SPEN: variants seen among roughly 807,000 people sequenced by gnomAD.
SPEN encodes msx2-interacting protein.
SPEN carries 18 observed loss-of-function variants against 269.9 expected under a neutral mutation model. The ratio of observed to expected loss-of-function variants is 0.07; its 90% confidence interval spans 0.05 to 0.10. The LOEUF is 0.10. Ranked by LOEUF, SPEN falls within the 10% of genes least tolerant of loss-of-function variation. SPEN has a pLI of 1.00. For missense variants in SPEN, 3,822 were observed against 4,631.2 expected (o/e 0.83, Z 5.07); for synonymous variants, 1,726 against 1,765.7 (o/e 0.98, Z 0.56).
At chr1:15,864,953 G>A (rs937102571) in intron 1 of SPEN, among the ~76,000 whole-genome samples, 12 of 152,014 alleles carry the variant, frequency 7.9e-5, no homozygotes, top group Non-Finnish European at 1.8e-4. Flanking sequence ...CTCGCGCCTT[G>A]GCTTCCCAAA....
Position 15,928,256 on chromosome 1 carries a change from A to G in SPEN, c.2016A>G (p.Arg672=), listed in dbSNP as rs1302485399. Residue 672 remains arginine (R), a synonymous_variant, in exon 11 of 15, where the codon CGA becomes CGG. Transcript: ENST00000375759. The surrounding 1 kb of genome is among the most constrained non-coding windows in gnomAD (Gnocchi z 5.7). ...ACCAAGGAGACTACTATGAATCACG[A>G]TACTACGATGATCCTCGGGAATACA... ...ETYQGDYYES[R]YYDDPREYRD... 6.2e-7 allele frequency: 1 copy of G among 1,614,062 alleles called. No individual in the cohort carries two copies. Among genetic ancestry groups the G allele is most frequent in the African/African-American group, 1.3e-5 (1 of 74,922 alleles).
chr1:15,936,659 G>C (rs1272350441), intron 11 of SPEN, among the ~76,000 whole-genome samples: 1 of 109,920 alleles, frequency 9.1e-6, no homozygotes, highest in Non-Finnish European at 2.0e-5. Flanking sequence ...AAAAAAAGCC[G>C]GGCATAGTGG....
chr1:15,937,436 C>G lies in SPEN; in HGVS notation c.10300C>G (p.Pro3434Ala), dbSNP rs1553180358. ...AETGPTSFPS[P>A]VSVSMKPDLP... ...AACAGGCCCGACTTCCTTCCCCTCCCCTGTGTCTGTCTCCATGAAGCCTGA... is the reference window on the plus strand; with the variant it reads ...AACAGGCCCGACTTCCTTCCCCTCCGCTGTGTCTGTCTCCATGAAGCCTGA... The change falls in exon 12 of 15, where the codon CCT (proline) becomes GCT (alanine). Residue 3434 changes from proline (P) to alanine (A), a missense_variant. By Grantham distance (27) the Pro-to-Ala change is conservative (BLOSUM62 -1). Transcript: ENST00000375759. The surrounding 1 kb of genome is among the most constrained non-coding windows in gnomAD (Gnocchi z 5.7). 4 of 1,613,832 alleles carry G rather than the reference C, an allele frequency of 2.5e-6. No homozygotes were observed. The highest frequency in any genetic ancestry group is 8.5e-7 in the Non-Finnish European group (1 of 1,180,028).
intron 1 of SPEN, among the ~76,000 whole-genome samples, chr1:15,865,428 T>TG (rs995677673): frequency 3.3e-5 from 5 of 150,230 alleles, no homozygotes; most frequent in Admixed American, 6.6e-5. Flanking sequence ...CTGTTTTTTT[T>TG]TTTTTTTTTT....
At chr1:15,879,631 C>G (rs894738546) in intron 3 of SPEN, among the ~76,000 whole-genome samples, 6 of 151,888 alleles carry the variant, frequency 4.0e-5, no homozygotes, top group African/African-American at 1.2e-4. Flanking sequence ...ATACCAAAGG[C>G]TACAACCTAG....
In SPEN at chr1:15,932,165, C is replaced by T. The variant is rs751872803; in HGVS notation, c.5925C>T (p.Leu1975=). 8 of 1,612,498 alleles carry T rather than the reference C, an allele frequency of 5.0e-6. No homozygotes were observed. The highest frequency in any genetic ancestry group is 6.8e-6 in the Non-Finnish European group (8 of 1,179,384). The change falls in exon 11 of 15, where the codon CTC becomes CTT. Residue 1975 remains leucine (L), a synonymous_variant. Transcript: ENST00000375759. This position sits in a 1 kb window ranked among gnomAD's most constrained non-coding sequence, Gnocchi z 4.2. ...AGGCCAAGGAACCTGCAGAAACACT[C>T]AAGCCACCTGAGGGATGGCGGTCGC... ...ENEAKEPAET[L]KPPEGWRSPR...
At chr1:15,860,163 G>T (rs971671040) in intron 1 of SPEN, among the ~76,000 whole-genome samples, 6 of 151,434 alleles carry the variant, frequency 4.0e-5, no homozygotes, top group Non-Finnish European at 8.8e-5. Flanking sequence ...CGCCCGCCTC[G>T]GCCTCCCAAA....
chr1:15,887,172 C>G (rs2070743692), intron 3 of SPEN, among the ~76,000 whole-genome samples: 1 of 151,736 alleles, frequency 6.6e-6, no homozygotes, highest in Non-Finnish European at 1.5e-5. Context: ...GATGGAGTCT[C>G]ACTGTGTTGT....
intron 2 of SPEN, chr1:15,874,025 A>T (rs1569990125): frequency 8.2e-7 from 1 of 1,226,912 alleles, no homozygotes; most frequent in Admixed American, 3.3e-5. Context: ...ACTATTGGCG[A>T]GCAACTGTGC....
intron 9 of SPEN, 86 bp from the exon 10 acceptor site, chr1:15,922,163 T>A (rs1050705748): frequency 1.0e-6 from 1 of 975,762 alleles, no homozygotes; most frequent in Non-Finnish European, 1.6e-6. Context: ...AGAAGGGCTA[T>A]GTTGTGAAGA....
intron 1 of SPEN, among the ~76,000 whole-genome samples, chr1:15,850,260 G>A (rs1398360478): frequency 6.6e-6 from 1 of 152,134 alleles, no homozygotes; most frequent in Non-Finnish European, 1.5e-5. Flanking sequence ...TATTAAAAAC[G>A]GCTTAGCTGG....
At chr1:15,916,597 ACC>A in intron 6 of SPEN, among the ~76,000 whole-genome samples, 1 of 149,620 alleles carries the variant, frequency 6.7e-6, no homozygotes. Context: ...TGCAGCCTCA[ACC>A]TCCTGGGCTC....
Position 15,929,051 on chromosome 1 carries a change from G to C in SPEN, c.2811G>C (p.Met937Ile). Residue 937 changes from methionine (M) to isoleucine (I), a missense_variant, in exon 11 of 15, where the codon ATG becomes ATC. Transcript: ENST00000375759. This position sits in a 1 kb window ranked among gnomAD's most constrained non-coding sequence, Gnocchi z 5.8. ...SDLSKLESVR[M>I]KVPKEKGLSS... is the part of the protein sequence containing the mutation. ...TGTCTAAACTGGAATCAGTTAGAAT[G>C]AAAGTACCAAAGGAAAAGGGGCTTT... 1 of 1,614,224 alleles carries C rather than the reference G, an allele frequency of 6.2e-7. No individual in the cohort carries two copies. The highest frequency in any genetic ancestry group is 8.5e-7 in the Non-Finnish European group (1 of 1,180,046).
intron 10 of SPEN, among the ~76,000 whole-genome samples, chr1:15,924,908 C>G (rs574508915): frequency 5.9e-5 from 9 of 152,238 alleles, no homozygotes; most frequent in African/African-American, 2.2e-4. Flanking sequence ...CAGGTTTGCC[C>G]CATGTGGTTT....
Position 15,932,991 on chromosome 1 carries a change from G to A in SPEN, c.6751G>A (p.Ala2251Thr), listed in dbSNP as rs759585687. 14 of 1,614,134 alleles carry A rather than the reference G, an allele frequency of 8.7e-6. No individual in the cohort carries two copies. In the Middle Eastern group the frequency reaches 4.9e-4, roughly 57 times the overall value. The change falls in exon 11 of 15, where the codon GCA becomes ACA. Residue 2251 changes from alanine to threonine, a missense_variant. Physicochemically the swap from Ala to Thr is moderately conservative, Grantham distance 58. Transcript: ENST00000375759. The surrounding 1 kb of genome is among the most constrained non-coding windows in gnomAD (Gnocchi z 4.2). ...ATCCCAGACAGATCTGCAACCCCCC[G>A]CAGGTGCACAGGCGCTGCAGCCTTC... ...GESQTDLQPP[A>T]GAQALQPSEE...
At chr1:15,919,590 A>G in intron 8 of SPEN, 73 bp downstream of exon 8, 1 of 925,968 alleles carries the variant, frequency 1.1e-6, no homozygotes. Context: ...TTTCAGTCTC[A>G]GTTGGCTAGC....
In SPEN at chr1:15,848,352, G is replaced by T. The variant is rs1427544423; in HGVS notation, c.83+202G>T. Among the ~76,000 whole-genome samples the T allele has an allele frequency of 6.6e-6, 1 of 151,150 alleles. No homozygotes were observed. The highest frequency in any genetic ancestry group is 6.6e-5 in the Admixed American group (1 of 15,172). On this transcript the variant is annotated intron_variant, in intron 1 of 14. Coordinates refer to ENST00000375759, the MANE Select transcript of SPEN (RefSeq NM_015001.3). The surrounding 1 kb of genome is among the most constrained non-coding windows in gnomAD (Gnocchi z 5.1). The stretch of plus-strand genomic sequence containing the variant: ...TCGGCGGTGCGGGCGGCCAAGCCGC[G>T]CCGCCTTCGAAGAGCCCGCGGGGCC...
At chr1:15,896,809 AT>A (rs1412410666) in intron 3 of SPEN, among the ~76,000 whole-genome samples, 1 of 152,166 alleles carries the variant, frequency 6.6e-6, no homozygotes, top group East Asian at 1.9e-4. Flanking sequence ...TCTACAAGTA[AT>A]TTTAAGTGTT....
chr1:15,891,196 A>G (rs1166549197), intron 3 of SPEN, among the ~76,000 whole-genome samples: 2 of 151,986 alleles, frequency 1.3e-5, no homozygotes, highest in Non-Finnish European at 2.9e-5. Flanking sequence ...GCTATGAAAA[A>G]AATTTTTTTT....
Sources: allele counts gnomAD v4.1 joint callset (sites outside exome capture counted in the v4.1 genomes callset), GRCh38; gene constraint gnomAD v4.1.1; non-coding constraint Gnocchi (gnomAD v3.1); transcripts MANE v1.5; gene names NCBI Gene and HGNC (gene_info 2026-07-23, HGNC 2026-07-21).